Variants in RNF212 observed in about 807,000 individuals in gnomAD.
RNF212 encodes probable E3 SUMO-protein ligase RNF212.
In RNF212, 33 loss-of-function variants were observed where a neutral mutation model predicts 34.7. The observed-to-expected ratio is 0.95, with a 90% CI of 0.72 to 1.27. The LOEUF is 1.27. Ranked by LOEUF, RNF212 falls within the 50% of genes most tolerant of loss-of-function variation. The probability of loss-of-function intolerance (pLI) is 0.00; values close to 1 mark genes in which losing one functional copy is unlikely to be tolerated. For missense variants in RNF212, 377 were observed against 362.2 expected (o/e 1.04, Z -0.33); for synonymous variants, 140 against 136.1 (o/e 1.03, Z -0.20).
chr4:1,109,825 T>C (rs1012716513), intron 1 of RNF212, among the ~76,000 whole-genome samples: 4 of 152,324 alleles, frequency 2.6e-5, no homozygotes, highest in African/African-American at 7.2e-5. Context: ...AGGCTTTCAC[T>C]TGTGTATCCA....
At chr4:1,100,538 A>G (rs1021702074) in intron 2 of RNF212, among the ~76,000 whole-genome samples, 1 of 151,004 alleles carries the variant, frequency 6.6e-6, no homozygotes, top group Non-Finnish European at 1.5e-5. Context: ...CTCCCAAGTA[A>G]TTGGGATTAC....
intron 1 of RNF212, among the ~76,000 whole-genome samples, chr4:1,112,711 C>T (rs1725893810): frequency 3.4e-5 from 5 of 145,892 alleles, no homozygotes. Flanking sequence ...CATCCCGCTC[C>T]CCCCGGCGGC....
rs1475025110 is a variant in RNF212 at position 1,059,205 on chromosome 4, T to A, written n.148-812A>T. Among the ~76,000 whole-genome samples, 3 of 152,216 alleles carry A rather than the reference T, an allele frequency of 2.0e-5. 1 individual carries two copies. The highest frequency in any genetic ancestry group is 1.3e-4 in the Admixed American group (2 of 15,288). On this transcript the variant is annotated intron_variant and non_coding_transcript_variant, in intron 3 of 4. Coordinates refer to the RNF212 transcript ENST00000503206. ...GGCCCCGAGCACAAGGCAGCCTCCG[T>A]GCCCCCGACAGGGGTCTTGTCTTTG...
intron 1 of RNF212, among the ~76,000 whole-genome samples, chr4:1,109,648 C>G (rs1225104455): frequency 6.6e-6 from 1 of 152,190 alleles, no homozygotes; most frequent in Non-Finnish European, 1.5e-5. Flanking sequence ...CCCCATGGGG[C>G]TGCTCAAACC....
chr4:1,092,208 G>A (rs562407538), intron 3 of RNF212, among the ~76,000 whole-genome samples: 1 of 152,350 alleles, frequency 6.6e-6, no homozygotes, highest in South Asian at 2.1e-4. Flanking sequence ...GGCTGTGGGG[G>A]TGCCTGGTCT....
At chr4:1,099,081 C>T (rs1487309400) in intron 2 of RNF212, among the ~76,000 whole-genome samples, 2 of 152,170 alleles carry the variant, frequency 1.3e-5, no homozygotes, top group Non-Finnish European at 2.9e-5. Flanking sequence ...CAAATGGCAT[C>T]ACAGCACAGA....
intron 7 of RNF212, among the ~76,000 whole-genome samples, chr4:1,079,893 T>C (rs978122090): frequency 2.0e-5 from 3 of 152,260 alleles, no homozygotes; most frequent in Non-Finnish European, 4.4e-5. Context: ...TACTGGGATG[T>C]AGCCTCTCCA....
Position 1,093,553 on chromosome 4 carries a change from A to G in RNF212, c.247-2715T>C, listed in dbSNP as rs372218840. The G allele has an allele frequency of 7.6e-5, 116 of 1,535,962 alleles. 1 individual carries two copies. In the East Asian group the frequency reaches 2.3e-3, roughly 31 times the overall value. Reference sequence around the variant, plus strand: ...GCAGAGCCTGTGACCTCCACGGCCCATGCCGGAAGCCTGAGAGGCACGAGA... The same window carrying G: ...GCAGAGCCTGTGACCTCCACGGCCCGTGCCGGAAGCCTGAGAGGCACGAGA... On this transcript the variant is annotated intron_variant, in intron 3 of 9. Coordinates refer to ENST00000433731, the MANE Select transcript of RNF212 (RefSeq NM_001131034.4).
chr4:1,068,361 T>C (rs899500137), downstream of RNF212, among the ~76,000 whole-genome samples: 1 of 152,234 alleles, frequency 6.6e-6, no homozygotes. Flanking sequence ...TTGTCTTGAT[T>C]GTCTTTAACA....
intron 8 of RNF212, among the ~76,000 whole-genome samples, chr4:1,076,330 C>T (rs756530916): frequency 6.6e-6 from 1 of 152,198 alleles, no homozygotes; most frequent in Non-Finnish European, 1.5e-5. Context: ...CCCAGCTGTG[C>T]CCCAGGCGCT....
chr4:1,080,534 C>T (rs1052942916), intron 7 of RNF212, among the ~76,000 whole-genome samples: 6 of 152,262 alleles, frequency 3.9e-5, no homozygotes, highest in South Asian at 4.1e-4. Context: ...CTTCATTGAC[C>T]GTACAGATGT....
At chr4:1,062,315 C>T (rs1398177856) in intron 3 of RNF212, among the ~76,000 whole-genome samples, 4 of 152,170 alleles carry the variant, frequency 2.6e-5, no homozygotes, top group East Asian at 1.9e-4. Context: ...CAGGAATGCA[C>T]AGTTCCTTCA....
At position 1,096,807 on chromosome 4, in the gene RNF212, G is replaced by A. The variant is rs1723135757; in HGVS notation, c.204C>T (p.Ser68=). Residue 68 remains serine, a synonymous_variant, in exon 3 of 10, where the codon AGC becomes AGT. Coordinates refer to ENST00000433731, the MANE Select transcript of RNF212 (RefSeq NM_001131034.4). The part of the protein sequence containing the change: ...TDADIQAFFM[S]IDSLCKKYSR... Reference sequence around the variant, plus strand: ...AGTACTTCTTACACAGACTGTCTATGCTCATGAAGAATGCCTGGATATCTG... The same window carrying A: ...AGTACTTCTTACACAGACTGTCTATACTCATGAAGAATGCCTGGATATCTG... 6.2e-7 allele frequency: 1 copy of A among 1,613,636 alleles called. No individual in the cohort carries two copies. The highest frequency in any genetic ancestry group is 1.3e-5 in the African/African-American group (1 of 75,048).
At chr4:1,112,466 C>T (rs1182666338) in intron 1 of RNF212, among the ~76,000 whole-genome samples, 1 of 151,526 alleles carries the variant, frequency 6.6e-6, no homozygotes, top group African/African-American at 2.4e-5. Context: ...CTTGCATAAA[C>T]ATCAGTTCAA....
At chr4:1,090,110 G>A (rs73074161) in intron 4 of RNF212, among the ~76,000 whole-genome samples, 3,230 of 150,410 alleles carry the variant, frequency 0.021, 119 homozygotes, top group African/African-American at 0.075. Flanking sequence ...GACAGGATGG[G>A]GTTGGGGTGA....
At chr4:1,083,778 A>C (rs1577695589) in intron 5 of RNF212, among the ~76,000 whole-genome samples, 1 of 152,274 alleles carries the variant, frequency 6.6e-6, no homozygotes, top group East Asian at 1.9e-4. Context: ...GCAGAGGCTG[A>C]CGTCGAGGGT....
At chr4:1,100,152 T>G in intron 2 of RNF212, 3 of 334,436 alleles carry the variant, frequency 9.0e-6, no homozygotes, top group Non-Finnish European at 1.8e-5. Flanking sequence ...GCTTGCTGCC[T>G]GTGTGGACTT....
Position 1,063,104 on chromosome 4 carries a change from A to G in RNF212, n.148-4711T>C, listed in dbSNP as rs536822019. Among the ~76,000 whole-genome samples the G allele has an allele frequency of 2.0e-5, 3 of 152,378 alleles. No individual in the cohort carries two copies. In the South Asian group the frequency reaches 6.2e-4, roughly 32 times the overall value. On this transcript the variant is annotated intron_variant and non_coding_transcript_variant, in intron 3 of 4. Coordinates refer to the RNF212 transcript ENST00000503206. Reference sequence around the variant, plus strand: ...CCAACATTCATGGATTGGAAGATGCAGTGTTAGTATTAGATGGCAATACCC... The same window carrying G: ...CCAACATTCATGGATTGGAAGATGCGGTGTTAGTATTAGATGGCAATACCC...
At chr4:1,077,648 C>G (rs1324200403) in intron 8 of RNF212, among the ~76,000 whole-genome samples, 1 of 152,212 alleles carries the variant, frequency 6.6e-6, no homozygotes, top group African/African-American at 2.4e-5. Flanking sequence ...GACTTGGAGG[C>G]TGTGAGTTCA....
Sources: gnomAD v4.1 joint callset for allele counts (sites outside exome capture counted in the v4.1 genomes callset) on GRCh38, gnomAD v4.1.1 for gene constraint, MANE v1.5 for transcripts, NCBI Gene and HGNC (gene_info 2026-07-23, HGNC 2026-07-21) for gene names.